Variants in TP63 observed in about 807,000 individuals in gnomAD.
TP63 encodes tumor protein 63.
A neutral mutation model predicts 82.8 loss-of-function variants in TP63; 17 were observed. The ratio of observed to expected loss-of-function variants is 0.21; its 90% CI spans 0.14 to 0.31. TP63 has a LOEUF of 0.31. Ranked by LOEUF, TP63 falls within the 10% of genes least tolerant of loss-of-function variation. The pLI, the probability that TP63 is intolerant of heterozygous loss-of-function variation, is 1.00. For missense variants in TP63, 648 were observed against 895.3 expected (o/e 0.72, Z 3.52); for synonymous variants, 330 against 321.7 (o/e 1.03, Z -0.28).
intron 1 of TP63, among the ~76,000 whole-genome samples, chr3:189,697,964 T>G (rs1717517806): frequency 6.6e-6 from 1 of 152,102 alleles, no homozygotes; most frequent in African/African-American, 2.4e-5. Flanking sequence ...TAGACAATCA[T>G]GTCATCTGTG....
At chr3:189,654,984 A>G (rs1016926887) in intron 1 of TP63, among the ~76,000 whole-genome samples, 7 of 152,170 alleles carry the variant, frequency 4.6e-5, no homozygotes, top group Non-Finnish European at 7.4e-5. Flanking sequence ...TTCTTGAACT[A>G]TATAGGACTC....
At chr3:189,628,415 A>G (rs1285777913), upstream of TP63, among the ~76,000 whole-genome samples, 2 of 152,156 alleles carry the variant, frequency 1.3e-5, no homozygotes. Context: ...TGTATCATAG[A>G]CACCTGAGTT....
chr3:189,662,138 T>A (rs1713939504), intron 1 of TP63, among the ~76,000 whole-genome samples: 1 of 152,038 alleles, frequency 6.6e-6, no homozygotes, highest in African/African-American at 2.4e-5. Context: ...TTTTTATAGT[T>A]CCTTTAGGTG....
intron 1 of TP63, among the ~76,000 whole-genome samples, chr3:189,706,944 C>T (rs1718248337): frequency 6.6e-6 from 1 of 150,902 alleles, no homozygotes. Context: ...TGAAAGATCC[C>T]CATGCTGTGT....
chr3:189,621,435 TATAC>T, the TP63 span, among the ~76,000 whole-genome samples: 2 of 152,084 alleles, frequency 1.3e-5, no homozygotes, highest in African/African-American at 4.8e-5. Flanking sequence ...ATTCTCTGTA[TATAC>T]ATACATATAT....
At chr3:189,874,151 C>T (rs1258198821) in intron 10 of TP63, among the ~76,000 whole-genome samples, 1 of 152,084 alleles carries the variant, frequency 6.6e-6, no homozygotes, top group Non-Finnish European at 1.5e-5. Flanking sequence ...CTCACTGCAA[C>T]CTCTGCCTAG....
At chr3:189,773,095 C>T (rs944210577) in intron 3 of TP63, among the ~76,000 whole-genome samples, 2 of 152,148 alleles carry the variant, frequency 1.3e-5, no homozygotes, top group Admixed American at 1.3e-4. Flanking sequence ...CTCTGTGAAG[C>T]TAAGTGACCA....
At chr3:189,892,370 T>G (rs537694385) in intron 13 of TP63, among the ~76,000 whole-genome samples, 1 of 152,316 alleles carries the variant, frequency 6.6e-6, no homozygotes, top group Admixed American at 6.5e-5. Flanking sequence ...GGCCACAGCT[T>G]TCTCACCTGT....
chr3:189,637,725 G>C (rs1363285641), intron 1 of TP63, among the ~76,000 whole-genome samples: 1 of 152,130 alleles, frequency 6.6e-6, no homozygotes, highest in Non-Finnish European at 1.5e-5. Context: ...GATATGGTAG[G>C]CAGAATAATA....
rs1471571434 is a variant in TP63 at position 189,651,061 on chromosome 3, G to A, written c.62+19484G>A. 2.7e-5 allele frequency among the ~76,000 whole-genome samples: 4 copies of A among 147,418 alleles called. 1 individual carries two copies. Among genetic ancestry groups the A allele is most frequent in the Non-Finnish European group, 5.9e-5 (4 of 67,410 alleles). On this transcript the variant is annotated intron_variant, in intron 1 of 13. Transcript: ENST00000264731. Reference sequence around the variant, plus strand: ...GAACTTGTTAGGAACTGTAATAGAAGTGACTCTTGCTTTGCTTTAGCAAAG... The same window carrying A: ...GAACTTGTTAGGAACTGTAATAGAAATGACTCTTGCTTTGCTTTAGCAAAG...
At chr3:189,699,191 A>G (rs998583419) in intron 1 of TP63, among the ~76,000 whole-genome samples, 2 of 152,034 alleles carry the variant, frequency 1.3e-5, no homozygotes, top group African/African-American at 4.8e-5. Context: ...TAACACTCAC[A>G]GTAACCCTCT....
rs1231745818 is a variant in TP63, at chr3:189,896,244, G to A, written c.*1742G>A. The A allele has an allele frequency of 9.1e-6, 2 of 220,112 alleles. No individual in the cohort carries two copies. Among genetic ancestry groups the A allele is most frequent in the African/African-American group, 4.5e-5 (2 of 44,502 alleles). 13.6% of individuals were successfully genotyped at this position (220,112 alleles called of 1,614,324 possible). A position where few individuals can be genotyped will look rare whatever the true frequency, so the allele number is the denominator to read the frequency against. ...AATGTGTGGATTGCCTCTGAAAAGT[G>A]TGTATATATTTTGTGTGAAATTGCA... On this transcript the variant is annotated 3_prime_UTR_variant, in exon 14 of 14. Coordinates refer to ENST00000264731, the MANE Select transcript of TP63 (RefSeq NM_003722.5).
At chr3:189,702,661 C>A (rs1717900853) in intron 1 of TP63, among the ~76,000 whole-genome samples, 1 of 152,176 alleles carries the variant, frequency 6.6e-6, no homozygotes. Context: ...CAGAAGGTTA[C>A]CATGGATGCT....
intron 2 of TP63, 23 bp from the exon 3 acceptor site, chr3:189,738,619 C>T (rs779806417): frequency 6.2e-7 from 1 of 1,614,042 alleles, no homozygotes; most frequent in South Asian, 1.1e-5. Flanking sequence ...GCCTAACTCA[C>T]TTTTTTCTTT....
intron 1 of TP63, among the ~76,000 whole-genome samples, chr3:189,665,992 G>C (rs553682611): frequency 2.4e-4 from 36 of 151,902 alleles, no homozygotes; most frequent in South Asian, 1.5e-3. Flanking sequence ...GTATAATAAT[G>C]GGTACTGATG....
chr3:189,880,283 A>G, intron 10 of TP63: 2 of 1,372,578 alleles, frequency 1.5e-6, no homozygotes, highest in Non-Finnish European at 1.9e-6. Flanking sequence ...CATAAACAGG[A>G]CTTGAAGACA....
chr3:189,688,722 A>G (rs1716648054), intron 1 of TP63, among the ~76,000 whole-genome samples: 1 of 152,158 alleles, frequency 6.6e-6, no homozygotes, highest in South Asian at 2.1e-4. Context: ...ACACTCTAGG[A>G]CCTAGCCAAA....
At chr3:189,690,895 C>T (rs1716862301) in intron 1 of TP63, among the ~76,000 whole-genome samples, 1 of 152,094 alleles carries the variant, frequency 6.6e-6, no homozygotes, top group Non-Finnish European at 1.5e-5. Context: ...GCTTTTTTGA[C>T]TGGACTCCTG....
intron 10 of TP63, chr3:189,881,189 GAGTA>G: frequency 2.0e-6 from 2 of 985,310 alleles, no homozygotes; most frequent in Non-Finnish European, 2.4e-6. Flanking sequence ...CTTACGTTTT[GAGTA>G]AGTGAGATCC....
Sources: allele counts gnomAD v4.1 joint callset (sites outside exome capture counted in the v4.1 genomes callset), GRCh38; gene constraint gnomAD v4.1.1; transcripts MANE v1.5; gene names NCBI Gene and HGNC (gene_info 2026-07-23, HGNC 2026-07-21).